ISG20: variants seen among roughly 807,000 people sequenced by gnomAD.
ISG20 encodes the protein interferon-stimulated gene 20 kDa protein.
ISG20 carries 8 observed loss-of-function variants against 11.1 expected under a neutral mutation model. The ratio of observed to expected loss-of-function variants is 0.72; its 90% CI spans 0.42 to 1.30. The LOEUF is 1.30. Among genes scored for constraint, ISG20 ranks in the 50% most tolerant of loss-of-function variants. ISG20 has a pLI of 0.01. For synonymous variants in ISG20, 110 were observed against 101.7 expected (o/e 1.08, Z -0.49); for missense variants, 243 against 250.2 (o/e 0.97, Z 0.19).
Position 88,652,120 on chromosome 15 carries a change from TC to T in ISG20, c.241del (p.Leu81Ter). 1 of 1,613,986 alleles carries T rather than the reference TC, an allele frequency of 6.2e-7. No individual in the cohort carries two copies. The highest frequency in any genetic ancestry group is 8.5e-7 in the Non-Finnish European group (1 of 1,179,968). ...TGTCTTCCTGGCCAGATCCTGCAGC[TC>T]CTGAAAGGCAAGCTGGTGGTGGGTC... Reference protein sequence around the residue: ...FAVARLEILQLLKGKLVVGHD... With the variant: ...FAVARLEILQXLKGKLVVGHD... On this transcript the variant is annotated frameshift_variant, in exon 3 of 4. Transcript: ENST00000306072. LOFTEE classifies it high-confidence loss of function.
intron 2 of ISG20, 104 bp from the exon 3 acceptor site, chr15:88,652,006 C>G (rs1209728845): frequency 1.7e-5 from 27 of 1,554,554 alleles, no homozygotes; most frequent in East Asian, 2.3e-5. Context: ...ATAATTTGCC[C>G]AAGGTCACAC....
chr15:88,655,541 C>G lies in ISG20; in HGVS notation c.*10C>G, dbSNP rs772745066. 3.1e-6 allele frequency: 5 copies of G among 1,608,094 alleles called. No individual in the cohort carries two copies. In the African/African-American group the frequency reaches 6.7e-5, roughly 21 times the overall value. On this transcript the variant is annotated 3_prime_UTR_variant, in exon 4 of 4. Coordinates refer to ENST00000306072, the MANE Select transcript of ISG20 (RefSeq NM_002201.6). ...GGCTGTGTCAGACTGAAGCCCCATCCAGCCCGTTCCGCAGGGACTAGAGGC... is the reference window on the plus strand; with the variant it reads ...GGCTGTGTCAGACTGAAGCCCCATCGAGCCCGTTCCGCAGGGACTAGAGGC...
rs150195093 is a variant in ISG20, at chr15:88,654,657, T to C, written c.430-758T>C. On this transcript the variant is annotated intron_variant, in intron 3 of 3. Coordinates refer to ENST00000306072, the MANE Select transcript of ISG20 (RefSeq NM_002201.6). ...GCCTCTGCAAGATCCACATCTCAGC[T>C]GCACAACTGGCTGGCTTGTGTGTGA... Among the ~76,000 whole-genome samples the C allele has an allele frequency of 6.6e-4, 100 of 152,336 alleles. 2 individuals are homozygous for C. Among genetic ancestry groups the C allele is most frequent in the African/African-American group, 2.4e-3 (99 of 41,588 alleles).
At chr15:88,644,407 C>T (rs1275270795) in intron 2 of ISG20, among the ~76,000 whole-genome samples, 1 of 151,804 alleles carries the variant, frequency 6.6e-6, no homozygotes, top group Non-Finnish European at 1.5e-5. Flanking sequence ...GTGGCATGTG[C>T]CTGTAATGTA....
chr15:88,649,790 C>G (rs4932188), intron 2 of ISG20: 130,990 of 174,966 alleles, frequency 0.75, 50,168 homozygotes, highest in Middle Eastern at 0.86. Context: ...TCAGGAGCAG[C>G]GCCCCTTCAT....
intron 3 of ISG20, among the ~76,000 whole-genome samples, chr15:88,654,277 C>A (rs58383894): frequency 0.31 from 47,728 of 152,104 alleles, 8,010 homozygotes; most frequent in East Asian, 0.57. Context: ...AGAGGCACAG[C>A]GCAGACGACG....
Position 88,650,452 on chromosome 15 carries a change from G to T in ISG20, c.229-1658G>T. 1 of 1,459,080 alleles carries T rather than the reference G, an allele frequency of 6.9e-7. No homozygotes were observed. Among genetic ancestry groups the T allele is most frequent in the East Asian group, 2.5e-5 (1 of 39,898 alleles). The allele number at this position is 1,459,080 out of a possible 1,614,324, so 90.4% of individuals were successfully genotyped here. ...GGCGGGCTCTGGATTCATCCCACTGGCTTCAAGGCCTGGCTTTGCCACTAA... is the reference window on the plus strand; with the variant it reads ...GGCGGGCTCTGGATTCATCCCACTGTCTTCAAGGCCTGGCTTTGCCACTAA... On this transcript the variant is annotated intron_variant, in intron 2 of 3. Transcript: ENST00000306072. This position sits in a 1 kb window ranked among gnomAD's most constrained non-coding sequence, Gnocchi z 4.0.
upstream of ISG20, among the ~76,000 whole-genome samples, chr15:88,638,205 T>C (rs1166340154): frequency 6.6e-6 from 1 of 152,222 alleles, no homozygotes; most frequent in Non-Finnish European, 1.5e-5. Context: ...GCTCAGCTTA[T>C]TGTTGGATCT....
At chr15:88,640,510 C>G (rs553655098) in intron 2 of ISG20, among the ~76,000 whole-genome samples, 2 of 152,234 alleles carry the variant, frequency 1.3e-5, no homozygotes, top group Admixed American at 6.5e-5. Flanking sequence ...GTTTCAATCT[C>G]AGTTCCCATT....
Position 88,643,058 on chromosome 15 carries a change from C to CA in ISG20, c.228+3472dup, listed in dbSNP as rs1477528777. Among the ~76,000 whole-genome samples the CA allele has an allele frequency of 6.6e-6, 1 of 151,256 alleles. No individual in the cohort carries two copies. Among genetic ancestry groups the CA allele is most frequent in the Non-Finnish European group, 1.5e-5 (1 of 67,832 alleles). Reference sequence around the variant, plus strand: ...GGGCAAGATGGTGAGATCTCCTCTACAAAAAAAATAAATAAATAAAATAAA... The same window carrying CA: ...GGGCAAGATGGTGAGATCTCCTCTACAAAAAAAAATAAATAAATAAAATAAA... On this transcript the variant is annotated intron_variant, in intron 2 of 3. Transcript: ENST00000306072. This position sits in a 1 kb window ranked among gnomAD's most constrained non-coding sequence, Gnocchi z 4.4.
At chr15:88,649,384 G>A (rs557413709) in intron 2 of ISG20, 1 of 152,306 alleles carries the variant, frequency 6.6e-6, no homozygotes, top group African/African-American at 2.4e-5. Flanking sequence ...GAAGTGATGG[G>A]TTTCCTGGGA....
upstream of ISG20, among the ~76,000 whole-genome samples, chr15:88,635,649 T>A (rs2057974480): frequency 6.6e-6 from 1 of 152,214 alleles, no homozygotes; most frequent in Non-Finnish European, 1.5e-5. Flanking sequence ...ATCCCGACAT[T>A]GGTTTACATT....
chr15:88,648,801 GGCACAGTGCCAGGCT>G (rs1438295180), intron 2 of ISG20: 1 of 152,130 alleles, frequency 6.6e-6, no homozygotes, highest in Non-Finnish European at 1.5e-5. Context: ...GAAAGTGCCT[GGCACAGTGCCAGGCT>G]GCTAAGAGAT....
Position 88,650,326 on chromosome 15 carries a change from C to T in ISG20, c.229-1784C>T, listed in dbSNP as rs2058252482. 5.2e-6 allele frequency: 8 copies of T among 1,534,960 alleles called. No homozygotes were observed. Among genetic ancestry groups the T allele is most frequent in the African/African-American group, 2.7e-5 (2 of 73,018 alleles). ...CAGGGCAGGCTGTCCATGTGGGAGG[C>T]GAGGCGAGGAACGCGGGGCTGGGGC... is the stretch of plus-strand genomic sequence containing the variant. On this transcript the variant is annotated intron_variant, in intron 2 of 3. Transcript: ENST00000306072. The surrounding 1 kb of genome is among the most constrained non-coding windows in gnomAD (Gnocchi z 4.0).
chr15:88,636,910 C>T (rs1460614428), upstream of ISG20, among the ~76,000 whole-genome samples: 2 of 152,168 alleles, frequency 1.3e-5, no homozygotes, highest in Non-Finnish European at 2.9e-5. Context: ...CCCCCCAGGC[C>T]ACATTGGAAG....
Position 88,639,678 on chromosome 15 carries a change from GACCTGTGACCCC to G in ISG20, c.228+87_228+98del. On this transcript the variant is annotated intron_variant, in intron 2 of 3. Coordinates refer to ENST00000306072, the MANE Select transcript of ISG20 (RefSeq NM_002201.6). The surrounding 1 kb of genome is among the most constrained non-coding windows in gnomAD (Gnocchi z 4.2). The stretch of plus-strand genomic sequence containing the variant: ...CCCCTCTTCCCTGGTGCCCATCTGT[GACCTGTGACCCC>G]ACTTGTAAGATTTCCCACACTGCTG... The G allele has an allele frequency of 4.9e-6, 5 of 1,028,204 alleles. No homozygotes were observed. Among genetic ancestry groups the G allele is most frequent in the Non-Finnish European group, 7.3e-6 (5 of 687,030 alleles). The allele number at this position is 1,028,204 out of a possible 1,614,324, so 63.7% of individuals were successfully genotyped here. A position where few individuals can be genotyped will look rare whatever the true frequency, so the allele number is the denominator to read the frequency against.
chr15:88,638,394 G>C (rs866361954), upstream of ISG20, among the ~76,000 whole-genome samples: 1 of 152,212 alleles, frequency 6.6e-6, no homozygotes, highest in South Asian at 2.1e-4. Flanking sequence ...CGGGCTGGTG[G>C]GGCCTCCCCG....
At chr15:88,649,903 C>T (rs1321360101) in intron 2 of ISG20, 2 of 335,642 alleles carry the variant, frequency 6.0e-6, no homozygotes, top group Non-Finnish European at 1.1e-5. Context: ...GGTGACACTG[C>T]CTGTTGACAG....
At chr15:88,640,214 C>A (rs778197308) in intron 2 of ISG20, among the ~76,000 whole-genome samples, 56 of 152,328 alleles carry the variant, frequency 3.7e-4, no homozygotes, top group Admixed American at 2.8e-3. Flanking sequence ...CGGTTAGCCA[C>A]CCCTGGGAAA....
Sources: gnomAD v4.1 joint callset for allele counts (sites outside exome capture counted in the v4.1 genomes callset) on GRCh38, gnomAD v4.1.1 for gene constraint, Gnocchi (gnomAD v3.1) non-coding constraint, MANE v1.5 for transcripts, NCBI Gene and HGNC (gene_info 2026-07-23, HGNC 2026-07-21) for gene names.